PUS10: variants seen among roughly 807,000 people sequenced by gnomAD.
PUS10 encodes the protein pseudouridine synthase 10, also known as tRNA pseudouridine synthase Pus10.
PUS10 carries 59 observed loss-of-function variants against 75.0 expected under a neutral mutation model. The observed-to-expected ratio is 0.79, with a 90% confidence interval of 0.64 to 0.98. The LOEUF is 0.98. Among genes scored for constraint, PUS10 ranks in the 50% least tolerant of loss-of-function variants. The pLI is 0.00. For missense variants in PUS10, 650 were observed against 614.4 expected, an observed-to-expected ratio of 1.06 and a Z score of -0.61; for synonymous variants, 219 against 211.6, an observed-to-expected ratio of 1.03 and a Z score of -0.30.
At chr2:60,962,082 A>T (rs1243854158) in intron 9 of PUS10, among the ~76,000 whole-genome samples, 1 of 152,256 alleles carries the variant, frequency 6.6e-6, no homozygotes, top group African/African-American at 2.4e-5. Flanking sequence ...ATATTTTAAC[A>T]AGTGAGGAAA....
chr2:60,975,453 A>C (rs1007911273), intron 4 of PUS10, among the ~76,000 whole-genome samples: 1 of 152,122 alleles, frequency 6.6e-6, no homozygotes, highest in African/African-American at 2.4e-5. Context: ...ACAGTATCAT[A>C]GTATTATAAC....
intron 1 of PUS10, among the ~76,000 whole-genome samples, chr2:61,012,517 A>G (rs972803867): frequency 6.6e-6 from 1 of 151,930 alleles, no homozygotes; most frequent in African/African-American, 2.4e-5. Flanking sequence ...AAAGCCAGCC[A>G]TAAAATCTAA....
At position 60,941,360 on chromosome 2, in the gene PUS10, C is replaced by T. The variant is rs1024407315; in HGVS notation, c.*1035G>A. On this transcript the variant is annotated 3_prime_UTR_variant, in exon 18 of 18. Coordinates refer to ENST00000316752, the MANE Select transcript of PUS10 (RefSeq NM_144709.4). The stretch of plus-strand genomic sequence containing the variant: ...ACATGAGTTTAAATGGCATCCATAG[C>T]TGCCCCTTCACACAAACAGGTGCTC... The T allele has an allele frequency of 6.6e-6, 1 of 152,254 alleles. No individual in the cohort carries two copies. Among genetic ancestry groups the T allele is most frequent in the Non-Finnish European group, 1.5e-5 (1 of 67,994 alleles). 9.4% of individuals were successfully genotyped at this position (152,254 alleles called of 1,614,324 possible).
In PUS10 at chr2:61,009,228, T is replaced by A. The variant is rs374113067; in HGVS notation, c.127-213A>T. Reference sequence around the variant, plus strand: ...TACCTATCTCTATTATATATGTGAATACTTTTTCAAAAGAGTTCCATATAT... The same window carrying A: ...TACCTATCTCTATTATATATGTGAAAACTTTTTCAAAAGAGTTCCATATAT... On this transcript the variant is annotated intron_variant, in intron 2 of 17. Transcript: ENST00000316752. 1.7e-4 allele frequency among the ~76,000 whole-genome samples: 26 copies of A among 152,334 alleles called. No homozygotes were observed. The East Asian group carries it at 3.7e-3, about 21-fold the overall frequency.
intron 1 of PUS10, among the ~76,000 whole-genome samples, chr2:61,012,887 T>TATATATATATATATACAC (rs67357917): frequency 1.6e-4 from 14 of 88,892 alleles, no homozygotes; most frequent in Admixed American, 2.7e-4. Context: ...TATATATATA[T>TATATATATATATATACAC]ACACACACAC....
At chr2:60,947,059 A>C (rs1159101774) in intron 16 of PUS10, among the ~76,000 whole-genome samples, 1 of 152,222 alleles carries the variant, frequency 6.6e-6, no homozygotes, top group Non-Finnish European at 1.5e-5. Context: ...TGATACAAAA[A>C]TCATACAAGT....
chr2:60,977,626 A>C (rs1484470058), intron 4 of PUS10, among the ~76,000 whole-genome samples: 1 of 152,230 alleles, frequency 6.6e-6, no homozygotes, highest in African/African-American at 2.4e-5. Flanking sequence ...TTTATCATAC[A>C]TGGGAAAGTA....
At chr2:60,945,415 T>C (rs1265703291) in intron 16 of PUS10, among the ~76,000 whole-genome samples, 1 of 152,232 alleles carries the variant, frequency 6.6e-6, no homozygotes, top group Non-Finnish European at 1.5e-5. Flanking sequence ...CATAGCTCAA[T>C]GCTTTTATTA....
At chr2:61,003,045 A>G (rs1444940222) in intron 4 of PUS10, among the ~76,000 whole-genome samples, 1 of 152,098 alleles carries the variant, frequency 6.6e-6, no homozygotes, top group East Asian at 1.9e-4. Context: ...TAGGAGATAT[A>G]CTCCATCCTG....
At chr2:60,982,975 A>G (rs1047926175) in intron 4 of PUS10, among the ~76,000 whole-genome samples, 4 of 152,112 alleles carry the variant, frequency 2.6e-5, no homozygotes, top group Admixed American at 6.5e-5. Context: ...CCTTCAATTC[A>G]GCATTTCCAA....
intron 1 of PUS10, 29 bp downstream of exon 1, chr2:61,017,979 A>C (rs1202013926): frequency 3.1e-6 from 4 of 1,309,922 alleles, no homozygotes; most frequent in East Asian, 2.5e-5. Flanking sequence ...CCTTGGGGAT[A>C]GGGGCCGAGG....
At chr2:60,944,205 A>T (rs1674801091) in intron 17 of PUS10, 11 of 984,296 alleles carry the variant, frequency 1.1e-5, no homozygotes, top group Non-Finnish European at 1.3e-5. Flanking sequence ...TTCACTGAAG[A>T]GGCTCCCTGC....
At chr2:61,017,589 T>A (rs1680085777) in intron 1 of PUS10, 3 of 572,954 alleles carry the variant, frequency 5.2e-6, no homozygotes, top group Admixed American at 6.2e-5. Flanking sequence ...AGTGGCATCC[T>A]CCCGCTGTAT....
At chr2:60,965,172 A>G in intron 7 of PUS10, 69 bp from the exon 8 acceptor site, 2 of 1,455,790 alleles carry the variant, frequency 1.4e-6, no homozygotes, top group Admixed American at 3.5e-5. Context: ...ATTCAAATAT[A>G]TTTCATACAA....
chr2:60,969,445 T>G (rs749710236), intron 5 of PUS10, among the ~76,000 whole-genome samples: 2 of 152,222 alleles, frequency 1.3e-5, no homozygotes, highest in Non-Finnish European at 2.9e-5. Context: ...GGACTAGTAC[T>G]CATTAAAGTA....
At chr2:61,001,229 T>C (rs1264557315) in intron 4 of PUS10, among the ~76,000 whole-genome samples, 1 of 152,152 alleles carries the variant, frequency 6.6e-6, no homozygotes, top group Admixed American at 6.5e-5. Flanking sequence ...AAAGCTTCTA[T>C]TCATTAGTAG....
At chr2:61,003,461 C>CAA (rs1315443074) in intron 4 of PUS10, among the ~76,000 whole-genome samples, 14 of 71,034 alleles carry the variant, frequency 2.0e-4, no homozygotes, top group Admixed American at 1.6e-4. Context: ...GACCCTGTCT[C>CAA]AAAAAAAAAA....
At chr2:60,967,320 GA>G (rs1168460992) in intron 6 of PUS10, 181 bp downstream of exon 6, 4 of 465,788 alleles carry the variant, frequency 8.6e-6, no homozygotes, top group South Asian at 2.4e-5. Context: ...AAGGGAAAAA[GA>G]AAAAAAGAAA....
intron 15 of PUS10, among the ~76,000 whole-genome samples, chr2:60,949,105 T>G (rs1273935370): frequency 6.6e-6 from 1 of 152,214 alleles, no homozygotes. Flanking sequence ...TGACTGCTTT[T>G]ACCAAAGTGG....
Sources: gnomAD v4.1 joint callset for allele counts (sites outside exome capture counted in the v4.1 genomes callset) on GRCh38, gnomAD v4.1.1 for gene constraint, MANE v1.5 for transcripts, NCBI Gene and HGNC (gene_info 2026-07-23, HGNC 2026-07-21) for gene names.